RBFOX3: variants seen among roughly 807,000 people sequenced by gnomAD.
The protein encoded by RBFOX3 is RNA binding fox-1 homolog 3, also known as RNA binding protein fox-1 homolog 3.
RBFOX3 carries 17 observed loss-of-function variants against 48.7 expected under a neutral mutation model. That is an observed-to-expected ratio of 0.35 (90% confidence interval 0.24 to 0.52). The LOEUF (loss-of-function observed/expected upper bound fraction) is 0.52, where lower values mean the gene tolerates loss of function less well. Among genes scored for constraint, RBFOX3 ranks in the 20% least tolerant of loss-of-function variants. The pLI, the probability that RBFOX3 is intolerant of heterozygous loss-of-function variation, is 0.94. For missense variants in RBFOX3, 382 were observed against 497.5 expected (o/e 0.77, Z 2.21); for synonymous variants, 212 against 209.5 (o/e 1.01, Z -0.10).
chr17:79,253,912 C>A (rs937182213), intron 3 of RBFOX3, among the ~76,000 whole-genome samples: 1 of 152,256 alleles, frequency 6.6e-6, no homozygotes, highest in African/African-American at 2.4e-5. Context: ...GTTGGACACC[C>A]TGCCTGAGGT....
At chr17:79,292,184 T>C (rs1046433144) in intron 3 of RBFOX3, among the ~76,000 whole-genome samples, 2 of 152,098 alleles carry the variant, frequency 1.3e-5, no homozygotes, top group African/African-American at 4.8e-5. Context: ...AGCCAGGAGA[T>C]GCCTGGTGCC....
Position 79,473,211 on chromosome 17 carries a change from A to G in RBFOX3, c.-175+9243T>C, listed in dbSNP as rs2077263126. On this transcript the variant is annotated intron_variant, in intron 2 of 14. Transcript: ENST00000693108. The surrounding 1 kb of genome is among the most constrained non-coding windows in gnomAD (Gnocchi z 4.2). ...GTACTCAGTTGCAGGGATCAGGAGC[A>G]GCACCTCACGGGCTGGCACCCATCC... 6.6e-6 allele frequency among the ~76,000 whole-genome samples: 1 copy of G among 152,274 alleles called. No homozygotes were observed.
At chr17:79,564,257 T>G (rs1210073368) in intron 1 of RBFOX3, among the ~76,000 whole-genome samples, 5 of 152,246 alleles carry the variant, frequency 3.3e-5, no homozygotes, top group Non-Finnish European at 7.3e-5. Context: ...TCCTTCCCTA[T>G]GCACTTTGAG....
chr17:79,219,336 G>T (rs905600078), intron 4 of RBFOX3, among the ~76,000 whole-genome samples: 5 of 152,246 alleles, frequency 3.3e-5, no homozygotes, highest in Non-Finnish European at 7.3e-5. Flanking sequence ...CCACTTCTGC[G>T]CAAGCCTAGA....
At chr17:79,292,055 C>T (rs2073370685) in intron 3 of RBFOX3, among the ~76,000 whole-genome samples, 1 of 152,106 alleles carries the variant, frequency 6.6e-6, no homozygotes, top group South Asian at 2.1e-4. Flanking sequence ...CACCAATTTA[C>T]CCCACCCCTC....
chr17:79,286,513 G>A (rs1316893975), intron 3 of RBFOX3, among the ~76,000 whole-genome samples: 4 of 152,148 alleles, frequency 2.6e-5, no homozygotes, highest in Non-Finnish European at 5.9e-5. Flanking sequence ...CTTCACGCCC[G>A]GCCCCTGATG....
chr17:79,419,758 G>A (rs1378765778), intron 2 of RBFOX3, among the ~76,000 whole-genome samples: 2 of 152,200 alleles, frequency 1.3e-5, no homozygotes. Context: ...ATCAAAGGCA[G>A]GGCTGCTTGT....
rs2085060541 is a variant in RBFOX3 at position 79,356,366 on chromosome 17, T to TTTTTTTTTTTTTG, written c.-174-48543_-174-48542insCAAAAAAAAAAAA. 5.7e-5 allele frequency among the ~76,000 whole-genome samples: 6 copies of TTTTTTTTTTTTTG among 105,938 alleles called. 2 individuals are homozygous for TTTTTTTTTTTTTG. The highest frequency in any genetic ancestry group is 2.2e-4 in the African/African-American group (6 of 26,944). 69.5% of individuals were successfully genotyped at this position (105,938 alleles called of 152,430 possible). ...CAGGGAAGTTTTTTTTTTTTTTTTT[T>TTTTTTTTTTTTTG]TTTTTTTTTTTTTTTTTTTTGAGGA... is the stretch of plus-strand genomic sequence containing the variant. On this transcript the variant is annotated intron_variant, in intron 2 of 14. Transcript: ENST00000693108.
intron 1 of RBFOX3, among the ~76,000 whole-genome samples, chr17:79,588,215 G>T (rs1348109097): frequency 6.6e-6 from 1 of 152,186 alleles, no homozygotes; most frequent in Admixed American, 6.5e-5. Flanking sequence ...CAGCTCTGGA[G>T]CTCACAGTAA....
chr17:79,406,354 G>T (rs2063535508), intron 2 of RBFOX3, among the ~76,000 whole-genome samples: 3 of 152,154 alleles, frequency 2.0e-5, no homozygotes, highest in Admixed American at 1.3e-4. Context: ...GGGGGATCTT[G>T]ACTCTGCCAG....
At chr17:79,659,408 C>T in the RBFOX3 span, among the ~76,000 whole-genome samples, 3 of 152,176 alleles carry the variant, frequency 2.0e-5, no homozygotes, top group East Asian at 3.9e-4. Flanking sequence ...TTGGATCCAG[C>T]TAGGAAAGAG....
At chr17:79,314,495 G>A (rs541045489) in intron 2 of RBFOX3, among the ~76,000 whole-genome samples, 4 of 152,276 alleles carry the variant, frequency 2.6e-5, no homozygotes, top group African/African-American at 7.2e-5. Flanking sequence ...CCAGGTCCAC[G>A]CCTGAGACAG....
chr17:79,349,644 G>A (rs193247916), intron 2 of RBFOX3, among the ~76,000 whole-genome samples: 71 of 152,162 alleles, frequency 4.7e-4, no homozygotes, highest in African/African-American at 1.4e-3. Context: ...CACCAGGCCC[G>A]GCAATGCCTG....
chr17:79,293,819 T>C (rs2073868048), intron 3 of RBFOX3, among the ~76,000 whole-genome samples: 1 of 152,090 alleles, frequency 6.6e-6, no homozygotes, highest in Non-Finnish European at 1.5e-5. Context: ...GGCTGCCCTG[T>C]AGCAGCGGCA....
chr17:79,151,977 T>C lies in RBFOX3; in HGVS notation c.-33-36229A>G. Among the ~76,000 whole-genome samples the C allele has an allele frequency of 1.3e-5, 2 of 149,774 alleles. 1 individual carries two copies. The highest frequency in any genetic ancestry group is 3.0e-5 in the Non-Finnish European group (2 of 67,342). On this transcript the variant is annotated intron_variant, in intron 4 of 14. Coordinates refer to ENST00000693108, the MANE Select transcript of RBFOX3 (RefSeq NM_001350451.2). ...GGGAGGTGCAGGGGGAGCTCCCACA[T>C]CCCCCATCCCCAAGGCCCCCTGTCC...
At chr17:79,598,279 G>C (rs2093616149) in intron 1 of RBFOX3, 1 of 152,598 alleles carries the variant, frequency 6.6e-6, no homozygotes, top group African/African-American at 2.4e-5. Flanking sequence ...TGGCAATGCA[G>C]AGATGACCGT....
intron 1 of RBFOX3, among the ~76,000 whole-genome samples, chr17:79,544,219 C>A (rs547906631): frequency 1.2e-4 from 18 of 152,278 alleles, no homozygotes; most frequent in African/African-American, 4.1e-4. Context: ...CTCAGTATCA[C>A]TTGTGTGTGT....
intron 1 of RBFOX3, among the ~76,000 whole-genome samples, chr17:79,596,683 G>A (rs1052865220): frequency 2.0e-5 from 3 of 152,056 alleles, no homozygotes; most frequent in Admixed American, 6.5e-5. Context: ...GCCCCTGCCC[G>A]CGAAGCACTT....
chr17:79,383,683 T>C (rs2060217302), intron 2 of RBFOX3, among the ~76,000 whole-genome samples: 5 of 151,992 alleles, frequency 3.3e-5, no homozygotes, highest in Admixed American at 3.3e-4. Context: ...TACTAGAACA[T>C]GTGGTGGGAA....
Sources: gnomAD v4.1 joint callset for allele counts (sites outside exome capture counted in the v4.1 genomes callset) on GRCh38, gnomAD v4.1.1 for gene constraint, Gnocchi (gnomAD v3.1) non-coding constraint, MANE v1.5 for transcripts, NCBI Gene and HGNC (gene_info 2026-07-23, HGNC 2026-07-21) for gene names.